The following EZH2 variants were observed in gnomAD, a reference collection of about 807,000 sequenced individuals.
EZH2 encodes enhancer of zeste 2 polycomb repressive complex 2 subunit, also known as histone-lysine N-methyltransferase EZH2.
EZH2 carries 18 observed loss-of-function variants against 98.4 expected under a neutral mutation model. The ratio of observed to expected loss-of-function variants is 0.18; its 90% confidence interval spans 0.13 to 0.27. The LOEUF is 0.27. Among genes scored for constraint, EZH2 ranks in the 10% least tolerant of loss-of-function variants. The pLI is 1.00. For synonymous variants in EZH2, 338 were observed against 312.3 expected (o/e 1.08, Z -0.87); for missense variants, 470 against 935.1 (o/e 0.50, Z 6.49).
At chr7:148,866,556 A>ATATACATATATATACG (rs1476038310) in intron 1 of EZH2, among the ~76,000 whole-genome samples, 19,452 of 125,598 alleles carry the variant, frequency 0.15, 2,470 homozygotes, top group Non-Finnish European at 0.22. Context: ...ATATATATAC[A>ATATACATATATATACG]TATATACATA....
At chr7:148,830,509 T>A (rs951800160) in intron 4 of EZH2, among the ~76,000 whole-genome samples, 2 of 151,454 alleles carry the variant, frequency 1.3e-5, no homozygotes, top group Non-Finnish European at 2.9e-5. Context: ...GAAAAAAAAA[T>A]GTAAGACATC....
chr7:148,836,440 A>G (rs1251964442), intron 3 of EZH2, among the ~76,000 whole-genome samples: 1 of 152,210 alleles, frequency 6.6e-6, no homozygotes, highest in East Asian at 1.9e-4. Flanking sequence ...CTTACAGAAA[A>G]ATTACTCAAA....
intron 1 of EZH2, among the ~76,000 whole-genome samples, chr7:148,879,939 T>C (rs1277832583): frequency 6.6e-6 from 1 of 151,940 alleles, no homozygotes; most frequent in East Asian, 1.9e-4. Flanking sequence ...ATCCCATCTC[T>C]ACAAAAAATT....
At position 148,814,646 on chromosome 7, in the gene EZH2, AT is replaced by A. The variant is rs1448375340; in HGVS notation, c.1672+267del. 3.3e-5 allele frequency among the ~76,000 whole-genome samples: 5 copies of A among 152,168 alleles called. No individual in the cohort carries two copies. In the East Asian group the frequency reaches 9.6e-4, roughly 29 times the overall value. On this transcript the variant is annotated intron_variant, in intron 14 of 19. Coordinates refer to ENST00000320356, the MANE Select transcript of EZH2 (RefSeq NM_004456.5). ...TCTGTGCCAACTTTAATACAACTTA[AT>A]TTAAATGATCAAAGAAGAAAAAAAT...
intron 1 of EZH2, among the ~76,000 whole-genome samples, chr7:148,877,071 A>C (rs936956475): frequency 1.3e-5 from 2 of 152,200 alleles, no homozygotes; most frequent in African/African-American, 4.8e-5. Flanking sequence ...TTATTTTTTA[A>C]TAAAACAGAT....
intron 3 of EZH2, among the ~76,000 whole-genome samples, chr7:148,833,033 G>A (rs551998311): frequency 6.6e-5 from 10 of 152,174 alleles, no homozygotes; most frequent in Admixed American, 2.0e-4. Context: ...GAGATTCAGC[G>A]ATCTGATTAA....
chr7:148,814,853 A>C (rs753111055), intron 14 of EZH2, 61 bp downstream of exon 14: 312 of 1,551,312 alleles, frequency 2.0e-4, no homozygotes, highest in Non-Finnish European at 2.6e-4. Context: ...TGATTTTTTA[A>C]ATTGCTAACC....
intron 1 of EZH2, among the ~76,000 whole-genome samples, chr7:148,863,843 C>G (rs1818056921): frequency 6.6e-6 from 1 of 152,092 alleles, no homozygotes; most frequent in South Asian, 2.1e-4. Flanking sequence ...ACTGAGCATT[C>G]CAAAAGTGTT....
intron 7 of EZH2, 152 bp from the exon 8 acceptor site, chr7:148,826,784 A>G (rs1353041193): frequency 5.9e-6 from 3 of 509,928 alleles, no homozygotes; most frequent in Non-Finnish European, 9.6e-6. Context: ...CCAACTAAAT[A>G]TTGTGCATGG....
At chr7:148,873,687 G>A (rs1473093768) in intron 1 of EZH2, among the ~76,000 whole-genome samples, 2 of 151,068 alleles carry the variant, frequency 1.3e-5, no homozygotes, top group Non-Finnish European at 2.9e-5. Context: ...CAGTACACTG[G>A]GTGAGGATGG....
Position 148,807,577 on chromosome 7 carries a change from G to T in EZH2, c.*69C>A. ...AAACTGCATGTTCTTTTTCTAAATT[G>T]CCCACAGTACTCGAGGTTCCTGAAG... On this transcript the variant is annotated 3_prime_UTR_variant, in exon 20 of 20. Coordinates refer to ENST00000320356, the MANE Select transcript of EZH2 (RefSeq NM_004456.5). 1 of 1,218,644 alleles carries T rather than the reference G, an allele frequency of 8.2e-7. No individual in the cohort carries two copies. Among genetic ancestry groups the T allele is most frequent in the Non-Finnish European group, 1.2e-6 (1 of 842,594 alleles). 75.5% of individuals were successfully genotyped at this position (1,218,644 alleles called of 1,614,324 possible). A position where few individuals can be genotyped will look rare whatever the true frequency, so the allele number is the denominator to read the frequency against.
intron 1 of EZH2, among the ~76,000 whole-genome samples, chr7:148,862,280 T>C (rs1817786353): frequency 6.6e-6 from 1 of 152,210 alleles, no homozygotes; most frequent in South Asian, 2.1e-4. Context: ...TAAATCATCA[T>C]TCCTCATCTA....
At chr7:148,809,654 A>C (rs1214898880) in intron 17 of EZH2, among the ~76,000 whole-genome samples, 1 of 94,230 alleles carries the variant, frequency 1.1e-5, no homozygotes, top group Non-Finnish European at 2.1e-5. Flanking sequence ...TTACTGAGCA[A>C]AACATAGCAA....
At chr7:148,810,572 TA>T (rs1233897047) in intron 16 of EZH2, among the ~76,000 whole-genome samples, 158 bp from the exon 17 acceptor site, 1 of 152,164 alleles carries the variant, frequency 6.6e-6, no homozygotes, top group African/African-American at 2.4e-5. Flanking sequence ...GTCTGCGCAG[TA>T]ATAAAGAATA....
rs1310441668 is a variant in EZH2, at chr7:148,872,426, T to A, written c.-8+11738A>T. ...GAGATCTGTTGTGCAACAATGTGAA[T>A]GTATTTAACACTACTGAACTGTACA... On this transcript the variant is annotated intron_variant, in intron 1 of 19. Coordinates refer to ENST00000320356, the MANE Select transcript of EZH2 (RefSeq NM_004456.5). 2.6e-5 allele frequency among the ~76,000 whole-genome samples: 4 copies of A among 152,366 alleles called. No homozygotes were observed. In the East Asian group the frequency reaches 7.7e-4, roughly 29 times the overall value.
intron 1 of EZH2, among the ~76,000 whole-genome samples, chr7:148,877,882 A>G (rs1314885741): frequency 6.6e-6 from 1 of 152,230 alleles, no homozygotes; most frequent in Non-Finnish European, 1.5e-5. Context: ...GAAAGCCAGC[A>G]GATAACACAG....
At chr7:148,833,840 T>C (rs1810110584) in intron 3 of EZH2, among the ~76,000 whole-genome samples, 1 of 152,140 alleles carries the variant, frequency 6.6e-6, no homozygotes, top group Non-Finnish European at 1.5e-5. Context: ...TTGCGCATGG[T>C]TCTCGGGCTA....
intron 1 of EZH2, among the ~76,000 whole-genome samples, chr7:148,871,811 C>A (rs965178049): frequency 3.3e-5 from 5 of 152,028 alleles, no homozygotes; most frequent in Non-Finnish European, 7.4e-5. Context: ...CTGGCCTCAA[C>A]TGATCCTCCC....
intron 19 of EZH2, 107 bp from the exon 20 acceptor site, chr7:148,807,813 TTA>T (rs1491269738): frequency 2.3e-4 from 103 of 438,670 alleles, no homozygotes; most frequent in Admixed American, 4.3e-4. Context: ...TAAAATGTCT[TTA>T]AAAAAAAAAA....
Sources: allele counts gnomAD v4.1 joint callset (sites outside exome capture counted in the v4.1 genomes callset), GRCh38; gene constraint gnomAD v4.1.1; transcripts MANE v1.5; gene names NCBI Gene and HGNC (gene_info 2026-07-23, HGNC 2026-07-21).